Variants in FGF14 observed in about 807,000 individuals in gnomAD.
FGF14 encodes fibroblast growth factor homologous factor 4.
Under a neutral mutation model 25.5 loss-of-function variants are expected in FGF14, and 5 were observed. The observed-to-expected ratio is 0.20, with a 90% CI of 0.10 to 0.41. The LOEUF (loss-of-function observed/expected upper bound fraction) is 0.41. FGF14 is among the 10% of genes least tolerant of loss of function. The pLI is 1.00. For synonymous variants in FGF14, 138 were observed against 118.3 expected, an observed-to-expected ratio of 1.17 and a Z score of -1.08; for missense variants, 222 against 320.1, an observed-to-expected ratio of 0.69 and a Z score of 2.34.
intron 1 of FGF14, among the ~76,000 whole-genome samples, chr13:102,085,840 A>T (rs1294570105): frequency 6.6e-6 from 1 of 152,162 alleles, no homozygotes; most frequent in Non-Finnish European, 1.5e-5. Context: ...CTCAAGCAAA[A>T]ATCACTCTAC....
chr13:101,736,178 C>T (rs2036173902), intron 3 of FGF14, among the ~76,000 whole-genome samples: 1 of 151,826 alleles, frequency 6.6e-6, no homozygotes, highest in South Asian at 2.1e-4. Context: ...TCACATTAAG[C>T]CAAATATATA....
At chr13:102,153,204 C>A (rs1419245293) in intron 1 of FGF14, among the ~76,000 whole-genome samples, 1 of 152,206 alleles carries the variant, frequency 6.6e-6, no homozygotes, top group Non-Finnish European at 1.5e-5. Context: ...GACAACAGAA[C>A]TAACTGCCAA....
At chr13:102,014,773 T>A (rs2040251442) in intron 1 of FGF14, among the ~76,000 whole-genome samples, 1 of 152,120 alleles carries the variant, frequency 6.6e-6, no homozygotes, top group Non-Finnish European at 1.5e-5. Flanking sequence ...TATGACAAAC[T>A]TATTTTTTTA....
At chr13:102,352,389 G>A (rs1056502775) in intron 1 of FGF14, among the ~76,000 whole-genome samples, 1 of 151,940 alleles carries the variant, frequency 6.6e-6, no homozygotes, top group Non-Finnish European at 1.5e-5. Flanking sequence ...AACATGGGGG[G>A]AATTTTAGCT....
intron 1 of FGF14, among the ~76,000 whole-genome samples, chr13:102,192,442 C>T (rs2049163949): frequency 6.6e-6 from 1 of 152,198 alleles, no homozygotes; most frequent in Non-Finnish European, 1.5e-5. Context: ...CTGTTGTCTT[C>T]ACCACAGGCT....
chr13:102,280,874 C>T lies in FGF14; in HGVS notation c.208+120597G>A, dbSNP rs992506680. ...CATGGGAAGGACATTGAGCTTCCTA[C>T]AGAATATAAAGTTGAGAGTTTGGGT... On this transcript the variant is annotated intron_variant, in intron 1 of 4. Transcript: ENST00000376131. Among the ~76,000 whole-genome samples the T allele has an allele frequency of 6.9e-4, 105 of 152,106 alleles. 2 individuals carry two copies. The highest frequency in any genetic ancestry group is 6.8e-3 in the Admixed American group (104 of 15,270).
chr13:102,312,454 C>T (rs1228394370), intron 1 of FGF14, among the ~76,000 whole-genome samples: 1 of 152,104 alleles, frequency 6.6e-6, no homozygotes, highest in Non-Finnish European at 1.5e-5. Flanking sequence ...TCCAAGATCA[C>T]CAAACTAATG....
intron 1 of FGF14, among the ~76,000 whole-genome samples, chr13:102,287,940 A>C (rs1051726161): frequency 6.6e-6 from 1 of 152,234 alleles, no homozygotes; most frequent in South Asian, 2.1e-4. Flanking sequence ...TTCAATAAAT[A>C]AATGAGAATC....
At chr13:102,121,468 T>C (rs1468298681) in intron 1 of FGF14, among the ~76,000 whole-genome samples, 1 of 152,168 alleles carries the variant, frequency 6.6e-6, no homozygotes, top group African/African-American at 2.4e-5. Flanking sequence ...CATCATTTAC[T>C]ACTAATAAGC....
intron 3 of FGF14, among the ~76,000 whole-genome samples, chr13:101,850,279 C>CAAAA (rs869138439): frequency 7.2e-5 from 2 of 27,936 alleles, no homozygotes; most frequent in African/African-American, 1.2e-4. Flanking sequence ...ACTAAAAATC[C>CAAAA]AAAAAAAAAA....
At chr13:101,956,896 T>C (rs1217621842) in intron 1 of FGF14, among the ~76,000 whole-genome samples, 1 of 152,122 alleles carries the variant, frequency 6.6e-6, no homozygotes, top group African/African-American at 2.4e-5. Flanking sequence ...TTTTTTTCTC[T>C]CTCTCTTTCT....
intron 1 of FGF14, among the ~76,000 whole-genome samples, chr13:102,388,871 C>T (rs1215871971): frequency 6.6e-6 from 1 of 152,188 alleles, no homozygotes; most frequent in Non-Finnish European, 1.5e-5. Flanking sequence ...CACATCCCAG[C>T]TAATTCCTCT....
chr13:102,064,734 A>G (rs967627561), intron 1 of FGF14, among the ~76,000 whole-genome samples: 2 of 152,042 alleles, frequency 1.3e-5, no homozygotes, highest in Non-Finnish European at 2.9e-5. Flanking sequence ...AAATAATAAA[A>G]GTAAAAAACA....
chr13:102,327,544 G>C (rs1336709), intron 1 of FGF14, among the ~76,000 whole-genome samples: 41,572 of 152,042 alleles, frequency 0.27, 6,024 homozygotes, highest in Admixed American at 0.39. Context: ...CATGAAAACA[G>C]AGGAGATCAG....
intron 3 of FGF14, among the ~76,000 whole-genome samples, chr13:101,858,581 C>T (rs749967672): frequency 6.6e-6 from 1 of 151,898 alleles, no homozygotes; most frequent in Non-Finnish European, 1.5e-5. Flanking sequence ...TCACCATCTA[C>T]CACCTACCAT....
chr13:102,254,436 G>T (rs2052345173), intron 1 of FGF14, among the ~76,000 whole-genome samples: 1 of 152,136 alleles, frequency 6.6e-6, no homozygotes, highest in Non-Finnish European at 1.5e-5. Context: ...GTTTACAGGA[G>T]CTTCCAGGCG....
intron 1 of FGF14, among the ~76,000 whole-genome samples, chr13:102,309,741 A>G (rs2055629618): frequency 6.6e-6 from 1 of 152,234 alleles, no homozygotes; most frequent in Non-Finnish European, 1.5e-5. Context: ...CAAAGGGATT[A>G]TATAAATGAA....
chr13:102,247,843 T>C (rs2141055369), intron 1 of FGF14, among the ~76,000 whole-genome samples: 1 of 152,238 alleles, frequency 6.6e-6, no homozygotes, highest in East Asian at 1.9e-4. Context: ...TCAACCTAAA[T>C]GCTCATCAAT....
intron 1 of FGF14, among the ~76,000 whole-genome samples, chr13:101,924,038 T>A (rs976085817): frequency 6.6e-6 from 1 of 152,126 alleles, no homozygotes; most frequent in Non-Finnish European, 1.5e-5. Flanking sequence ...TGGCAAATCT[T>A]TTCCTACTCT....
Sources: allele counts gnomAD v4.1 joint callset (sites outside exome capture counted in the v4.1 genomes callset), GRCh38; gene constraint gnomAD v4.1.1; transcripts MANE v1.5; gene names NCBI Gene and HGNC (gene_info 2026-07-23, HGNC 2026-07-21).